Variants in CASK observed in about 807,000 individuals in gnomAD.
The protein encoded by CASK is peripheral plasma membrane protein CASK.
In CASK, 4 loss-of-function variants were observed where a neutral mutation model predicts 82.9. The ratio of observed to expected loss-of-function variants is 0.05; its 90% CI spans 0.02 to 0.11. The LOEUF is 0.11. CASK is among the 10% of genes least tolerant of loss of function. The pLI, the probability that CASK is intolerant of heterozygous loss-of-function variation, is 1.00. For missense variants in CASK, 358 were observed against 720.9 expected (o/e 0.50, Z 5.76); for synonymous variants, 259 against 253.5 (o/e 1.02, Z -0.20).
chrX:41,922,783 G>A (rs898476046), intron 1 of CASK, 147 bp downstream of exon 1: 9 of 547,284 alleles, frequency 1.6e-5, no homozygotes, highest in African/African-American at 1.4e-4. Context: ...CCAGGTACAC[G>A]TCTATAAATA....
intron 2 of CASK, among the ~76,000 whole-genome samples, chrX:41,800,651 C>T (rs985748210): frequency 9.2e-6 from 1 of 108,803 alleles, no homozygotes; most frequent in Non-Finnish European, 1.9e-5. Flanking sequence ...ATCCCTCCCC[C>T]CTTCCCCCAC....
At chrX:41,618,240 C>T (rs1284941917) in intron 11 of CASK, among the ~76,000 whole-genome samples, 1 of 112,399 alleles carries the variant, frequency 8.9e-6, no homozygotes, top group Admixed American at 9.4e-5. Context: ...CTTATAATTT[C>T]CAAAGTGCTT....
chrX:41,849,286 A>G (rs5918262), intron 2 of CASK, among the ~76,000 whole-genome samples: 18,080 of 111,342 alleles, frequency 0.16, 1,436 homozygotes, highest in Middle Eastern at 0.28. Context: ...TCCTTATTAT[A>G]ATTTGTCTGA....
chrX:41,901,951 C>T (rs905990952), intron 1 of CASK, among the ~76,000 whole-genome samples: 2 of 111,055 alleles, frequency 1.8e-5, no homozygotes, highest in Non-Finnish European at 3.8e-5. Flanking sequence ...CGAAGGTAGG[C>T]CTGAAGACTG....
chrX:41,531,094 G>A lies in CASK; in HGVS notation c.2433C>T (p.His811=), dbSNP rs371990384. 336 of 1,208,618 alleles carry A rather than the reference G, an allele frequency of 2.8e-4. No individual in the cohort carries two copies. The highest frequency in any genetic ancestry group is 3.5e-4 in the Non-Finnish European group (314 of 893,840). The change falls in exon 25 of 27, where the codon CAC becomes CAT. Residue 811 remains histidine, a synonymous_variant. Transcript: ENST00000378163. Reference sequence around the variant, plus strand: ...GTTTTGTCCCATACATCGCATCCTCGTGGCTGCCGTACTCCAAGTACTCGT... The same window carrying A: ...GTTTTGTCCCATACATCGCATCCTCATGGCTGCCGTACTCCAAGTACTCGT... ...SNNEYLEYGS[H]EDAMYGTKLE...
At chrX:41,654,062 G>A (rs1322278331) in intron 8 of CASK, among the ~76,000 whole-genome samples, 1 of 112,039 alleles carries the variant, frequency 8.9e-6, no homozygotes, top group Non-Finnish European at 1.9e-5. Context: ...CAGGCCATGT[G>A]GGACTGGCTT....
intron 1 of CASK, among the ~76,000 whole-genome samples, chrX:41,868,483 A>AT (rs2071631961): frequency 8.9e-6 from 1 of 112,124 alleles, no homozygotes; most frequent in Non-Finnish European, 1.9e-5. Context: ...ACCTGGACGT[A>AT]CAGACACTCC....
chrX:41,844,837 C>G (rs2071119335), intron 2 of CASK, among the ~76,000 whole-genome samples: 1 of 111,616 alleles, frequency 9.0e-6, no homozygotes, highest in Non-Finnish European at 1.9e-5. Flanking sequence ...TAATAAACTT[C>G]CCCCTAATCA....
At chrX:41,885,616 A>G (rs992584177) in intron 1 of CASK, among the ~76,000 whole-genome samples, 22 of 112,249 alleles carry the variant, frequency 2.0e-4, no homozygotes, top group Middle Eastern at 4.6e-3. Context: ...TTTATTCCTC[A>G]CAATTAGCAT....
intron 6 of CASK, among the ~76,000 whole-genome samples, chrX:41,669,800 T>C (rs1418084194): frequency 8.9e-6 from 1 of 111,878 alleles, no homozygotes; most frequent in Non-Finnish European, 1.9e-5. Context: ...TCGGCTGTAC[T>C]GTACTACCTG....
intron 4 of CASK, among the ~76,000 whole-genome samples, chrX:41,740,702 GC>G (rs1371553474): frequency 2.7e-5 from 3 of 111,877 alleles, no homozygotes; most frequent in Non-Finnish European, 5.6e-5. Flanking sequence ...CTAATCACAA[GC>G]CTTGTTCCTG....
At chrX:41,731,682 A>G (rs1224342628) in intron 5 of CASK, among the ~76,000 whole-genome samples, 1 of 111,696 alleles carries the variant, frequency 9.0e-6, no homozygotes, top group East Asian at 2.8e-4. Flanking sequence ...ATGCTTTCCT[A>G]AACAGTTGAT....
At chrX:41,536,021 G>A (rs1291909170) in intron 22 of CASK, among the ~76,000 whole-genome samples, 1 of 111,349 alleles carries the variant, frequency 9.0e-6, no homozygotes, top group Non-Finnish European at 1.9e-5. Flanking sequence ...TTTTTTTAAA[G>A]AATATTGAAT....
intron 5 of CASK, among the ~76,000 whole-genome samples, chrX:41,710,877 T>C (rs1474867131): frequency 2.7e-5 from 3 of 111,747 alleles, no homozygotes; most frequent in Non-Finnish European, 5.7e-5. Flanking sequence ...AAAAGGACAG[T>C]GTTCGGAGAG....
At chrX:41,667,533 T>C (rs1222648278) in intron 6 of CASK, among the ~76,000 whole-genome samples, 1 of 111,997 alleles carries the variant, frequency 8.9e-6, no homozygotes, top group Admixed American at 9.5e-5. Context: ...GGGAGAATTG[T>C]TCTGAATAGC....
intron 5 of CASK, among the ~76,000 whole-genome samples, chrX:41,681,684 C>T (rs73193120): frequency 9.0e-6 from 1 of 111,449 alleles, no homozygotes; most frequent in Non-Finnish European, 1.9e-5. Flanking sequence ...AGAGGAAAGT[C>T]ATGACATTAC....
chrX:41,779,289 C>T (rs1263677596), intron 3 of CASK, among the ~76,000 whole-genome samples: 1 of 112,249 alleles, frequency 8.9e-6, no homozygotes, highest in African/African-American at 3.2e-5. Context: ...TAATAAGCTT[C>T]CCTGGTTGGC....
intron 8 of CASK, among the ~76,000 whole-genome samples, chrX:41,659,301 C>T (rs2066992810): frequency 9.1e-6 from 1 of 109,344 alleles, no homozygotes; most frequent in Non-Finnish European, 1.9e-5. Context: ...GATCTTGGCT[C>T]ACTGCAACCT....
intron 3 of CASK, chrX:41,748,511 T>C: frequency 4.9e-6 from 1 of 205,896 alleles, no homozygotes; most frequent in East Asian, 1.3e-4. Context: ...TCCCACCAGT[T>C]TGGATTCACT....
Sources: allele counts gnomAD v4.1 joint callset (sites outside exome capture counted in the v4.1 genomes callset), GRCh38; gene constraint gnomAD v4.1.1; transcripts MANE v1.5; gene names NCBI Gene and HGNC (gene_info 2026-07-23, HGNC 2026-07-21).